The following BACH2 variants were observed in gnomAD, a reference collection of about 807,000 sequenced individuals.
The protein encoded by BACH2 is BACH transcriptional regulator 2.
A neutral mutation model predicts 61.8 loss-of-function variants in BACH2; 5 were observed. That is an observed-to-expected ratio of 0.08 (90% CI 0.04 to 0.17). The LOEUF is 0.17. BACH2 is among the 10% of genes least tolerant of loss of function. The probability of loss-of-function intolerance (pLI) is 1.00; values close to 1 mark genes in which losing one functional copy is unlikely to be tolerated. For synonymous variants in BACH2, 446 were observed against 440.1 expected (o/e 1.01, Z -0.17); for missense variants, 824 against 1,091.1 (o/e 0.76, Z 3.45).
At chr6:90,054,171 C>T (rs1038015062) in intron 5 of BACH2, among the ~76,000 whole-genome samples, 7 of 152,054 alleles carry the variant, frequency 4.6e-5, no homozygotes, top group East Asian at 1.9e-4. Context: ...GGGGAGGCAT[C>T]GCCTCACTCG....
intron 4 of BACH2, among the ~76,000 whole-genome samples, chr6:90,199,494 T>C (rs921014038): frequency 1.3e-5 from 2 of 152,346 alleles, no homozygotes; most frequent in East Asian, 3.9e-4. Context: ...AAATTTATCT[T>C]ATCTCTCTTT....
intron 4 of BACH2, among the ~76,000 whole-genome samples, chr6:90,173,426 T>G (rs988101348): frequency 6.6e-6 from 1 of 152,126 alleles, no homozygotes; most frequent in Non-Finnish European, 1.5e-5. Context: ...AACTTGTGAA[T>G]AGCTAAAAAA....
chr6:89,948,003 T>C (rs2128356135), intron 7 of BACH2, among the ~76,000 whole-genome samples: 1 of 152,284 alleles, frequency 6.6e-6, no homozygotes, highest in Admixed American at 6.5e-5. Context: ...AGTTAATATT[T>C]TTAGTTCTAA....
chr6:90,170,460 C>T (rs1767775045), intron 4 of BACH2, among the ~76,000 whole-genome samples: 1 of 152,126 alleles, frequency 6.6e-6, no homozygotes, highest in South Asian at 2.1e-4. Flanking sequence ...TACATCTTGT[C>T]TCCAGCACCT....
At chr6:90,295,863 T>C (rs1241833577) in intron 1 of BACH2, among the ~76,000 whole-genome samples, 2 of 152,130 alleles carry the variant, frequency 1.3e-5, no homozygotes, top group South Asian at 2.1e-4. Flanking sequence ...CCTGCGACCC[T>C]AAACTTGGGC....
intron 4 of BACH2, among the ~76,000 whole-genome samples, chr6:90,156,691 G>A (rs534957757): frequency 1.3e-5 from 2 of 152,252 alleles, no homozygotes; most frequent in South Asian, 2.1e-4. Flanking sequence ...TTGAGCTGAG[G>A]TGGAGGACTA....
At chr6:90,040,458 G>A (rs748139266) in intron 5 of BACH2, among the ~76,000 whole-genome samples, 5 of 151,202 alleles carry the variant, frequency 3.3e-5, no homozygotes, top group Non-Finnish European at 5.9e-5. Context: ...ATATGAGTAC[G>A]TTTGTAGTAT....
intron 4 of BACH2, among the ~76,000 whole-genome samples, chr6:90,178,126 G>A (rs1332005079): frequency 6.6e-6 from 1 of 152,134 alleles, no homozygotes; most frequent in Non-Finnish European, 1.5e-5. Context: ...TAAATAATGT[G>A]CAGGGTGTGA....
At position 90,291,615 on chromosome 6, in the gene BACH2, A is replaced by C. The variant is rs1321833746; in HGVS notation, c.-446+4865T>G. ...TTTAAATTAAATGTCATCACAAACA[A>C]AAAAAAAAAGGTGAAAGTTGAGTTG... On this transcript the variant is annotated intron_variant, in intron 1 of 8. Transcript: ENST00000257749. Among the ~76,000 whole-genome samples, 3 of 85,348 alleles carry C rather than the reference A, an allele frequency of 3.5e-5. No individual in the cohort carries two copies. The Admixed American group carries it at 4.0e-4, about 11-fold the overall frequency. 56.0% of individuals were successfully genotyped at this position (85,348 alleles called of 152,430 possible).
intron 6 of BACH2, among the ~76,000 whole-genome samples, chr6:89,980,915 T>A (rs975311714): frequency 2.7e-5 from 4 of 147,790 alleles, no homozygotes; most frequent in Non-Finnish European, 6.0e-5. Context: ...TTTTTTTTTT[T>A]AACCAGTGAA....
chr6:90,230,859 C>T (rs1213290821), intron 3 of BACH2, among the ~76,000 whole-genome samples: 1 of 152,174 alleles, frequency 6.6e-6, no homozygotes, highest in Non-Finnish European at 1.5e-5. Flanking sequence ...GAACTGGGAT[C>T]AGACTTAGGA....
intron 1 of BACH2, among the ~76,000 whole-genome samples, chr6:90,294,080 AC>A (rs1188586334): frequency 1.3e-5 from 2 of 152,178 alleles, no homozygotes; most frequent in African/African-American, 4.8e-5. Flanking sequence ...CATACAAAGA[AC>A]CAAAAAAGTA....
intron 4 of BACH2, among the ~76,000 whole-genome samples, chr6:90,184,112 AG>A: frequency 6.6e-6 from 1 of 152,328 alleles, no homozygotes; most frequent in East Asian, 1.9e-4. Context: ...TGTGAAACCA[AG>A]TACCCTGACC....
intron 4 of BACH2, among the ~76,000 whole-genome samples, chr6:90,115,622 T>A (rs1157849157): frequency 6.6e-6 from 1 of 152,118 alleles, no homozygotes; most frequent in Non-Finnish European, 1.5e-5. Flanking sequence ...AAAGATTTCA[T>A]GAAAAAGACA....
intron 2 of BACH2, among the ~76,000 whole-genome samples, chr6:90,269,053 A>G (rs1032303761): frequency 6.6e-6 from 1 of 152,200 alleles, no homozygotes; most frequent in Non-Finnish European, 1.5e-5. Flanking sequence ...GTTCAGCCAG[A>G]CACTTTAACT....
chr6:89,984,427 A>G (rs1285104219), intron 6 of BACH2, among the ~76,000 whole-genome samples: 1 of 152,040 alleles, frequency 6.6e-6, no homozygotes, highest in Admixed American at 6.5e-5. Context: ...CACCATAAAG[A>G]GGGCTACAGA....
At chr6:90,276,609 C>T (rs536901762) in intron 1 of BACH2, among the ~76,000 whole-genome samples, 9 of 152,216 alleles carry the variant, frequency 5.9e-5, no homozygotes, top group Middle Eastern at 6.8e-3. Flanking sequence ...CTACAGATTA[C>T]GCTAAGCAAA....
intron 4 of BACH2, among the ~76,000 whole-genome samples, chr6:90,136,167 T>C (rs996371757): frequency 2.0e-5 from 3 of 152,218 alleles, no homozygotes; most frequent in African/African-American, 7.2e-5. Flanking sequence ...CTGCGCTGTT[T>C]TGTTGTTGCT....
In BACH2 at chr6:90,106,400, C is replaced by T. The variant is rs190388470; in HGVS notation, c.-161-17291G>A. ...ACATCATATTTTTACTGTACCTTTTCTATGTTTAGATACACAAATACCTCC... is the reference window on the plus strand; with the variant it reads ...ACATCATATTTTTACTGTACCTTTTTTATGTTTAGATACACAAATACCTCC... On this transcript the variant is annotated intron_variant, in intron 4 of 8. Coordinates refer to ENST00000257749, the MANE Select transcript of BACH2 (RefSeq NM_021813.4). Among the ~76,000 whole-genome samples the T allele has an allele frequency of 4.3e-3, 662 of 152,270 alleles. 6 individuals are homozygous for T. Among genetic ancestry groups the T allele is most frequent in the South Asian group, 0.03 (143 of 4,828 alleles).
Sources: allele counts gnomAD v4.1 joint callset (sites outside exome capture counted in the v4.1 genomes callset), GRCh38; gene constraint gnomAD v4.1.1; transcripts MANE v1.5; gene names NCBI Gene and HGNC (gene_info 2026-07-23, HGNC 2026-07-21).